The following CTNND2 variants were observed in gnomAD, a reference collection of about 807,000 sequenced individuals.
The protein encoded by CTNND2 is catenin delta-2.
In CTNND2, 22 loss-of-function variants were observed where a neutral mutation model predicts 144.4. The ratio of observed to expected loss-of-function variants is 0.15; its 90% CI spans 0.11 to 0.22. The LOEUF is 0.22. Among genes scored for constraint, CTNND2 ranks in the 10% least tolerant of loss-of-function variants. The pLI is 1.00. For synonymous variants in CTNND2, 751 were observed against 695.6 expected (o/e 1.08, Z -1.25); for missense variants, 1,353 against 1,618.8 (o/e 0.84, Z 2.82).
chr5:11,557,852 C>T (rs1336520438), intron 3 of CTNND2, among the ~76,000 whole-genome samples: 1 of 152,124 alleles, frequency 6.6e-6, no homozygotes, highest in East Asian at 1.9e-4. Context: ...TGGAACCATG[C>T]TGGGAATGAG....
At chr5:11,123,038 T>A (rs1754305907) in intron 12 of CTNND2, among the ~76,000 whole-genome samples, 1 of 152,126 alleles carries the variant, frequency 6.6e-6, no homozygotes, top group Non-Finnish European at 1.5e-5. Context: ...GGAATGTTCT[T>A]CCTTCCACCT....
At chr5:11,082,594 TCTGTGTAAGCATAGG>T (rs1749691018) in intron 16 of CTNND2, 87 bp downstream of exon 16, 1 of 1,334,640 alleles carries the variant, frequency 7.5e-7, no homozygotes, top group African/African-American at 1.5e-5. Flanking sequence ...ATGCACGGCT[TCTGTGTAAGCATAGG>T]CTATGCATAC....
At chr5:11,636,298 G>T (rs1436053946) in intron 2 of CTNND2, among the ~76,000 whole-genome samples, 1 of 152,124 alleles carries the variant, frequency 6.6e-6, no homozygotes, top group Non-Finnish European at 1.5e-5. Context: ...TTCAGTAGCT[G>T]TACCTGGAAA....
rs545717858 is a variant in CTNND2 at position 11,670,262 on chromosome 5, G to C, written c.174+61874C>G. Among the ~76,000 whole-genome samples the C allele has an allele frequency of 5.9e-5, 9 of 152,244 alleles. 1 individual carries two copies. The South Asian group carries it at 1.9e-3, about 32-fold the overall frequency. On this transcript the variant is annotated intron_variant, in intron 2 of 21. Transcript: ENST00000304623. ...TGGAGAGCTCTGTAGATGTTTATTA[G>C]GTCTACTTGGTGCAGAGCTGAGTTC...
chr5:11,128,875 A>G, intron 12 of CTNND2, among the ~76,000 whole-genome samples: 1 of 69,328 alleles, frequency 1.4e-5, no homozygotes, highest in African/African-American at 4.9e-5. Context: ...ATATATAAAT[A>G]TATAATACAT....
At chr5:11,863,064 C>A (rs1210762061) in intron 1 of CTNND2, among the ~76,000 whole-genome samples, 4 of 152,152 alleles carry the variant, frequency 2.6e-5, no homozygotes, top group Admixed American at 2.6e-4. Flanking sequence ...CTGAGTACAT[C>A]TATTTTCTCG....
chr5:11,125,443 C>T (rs190361148), intron 12 of CTNND2, among the ~76,000 whole-genome samples: 3 of 152,368 alleles, frequency 2.0e-5, no homozygotes, highest in East Asian at 1.9e-4. Context: ...GCTGTGAAGG[C>T]GCTTTCTTTG....
At chr5:11,331,299 G>GC (rs1753119420) in intron 9 of CTNND2, among the ~76,000 whole-genome samples, 1 of 152,144 alleles carries the variant, frequency 6.6e-6, no homozygotes. Context: ...TTCTGATTTA[G>GC]CATTTTTGAG....
At chr5:11,561,324 C>T (rs1383448832) in intron 3 of CTNND2, among the ~76,000 whole-genome samples, 5 of 152,120 alleles carry the variant, frequency 3.3e-5, no homozygotes, top group Admixed American at 2.0e-4. Flanking sequence ...GATGAAGAAT[C>T]CAACAGCTTT....
intron 3 of CTNND2, among the ~76,000 whole-genome samples, chr5:11,560,641 G>A (rs1776608801): frequency 6.6e-6 from 1 of 152,172 alleles, no homozygotes; most frequent in African/African-American, 2.4e-5. Flanking sequence ...TACAACCACT[G>A]CCAACAGTCC....
chr5:11,297,810 T>C (rs189855791), intron 9 of CTNND2, among the ~76,000 whole-genome samples: 1 of 152,248 alleles, frequency 6.6e-6, no homozygotes, highest in East Asian at 1.9e-4. Context: ...TCGGATTTTA[T>C]CCTAGGATGC....
chr5:11,225,225 G>A lies in CTNND2; in HGVS notation c.1761+11466C>T, dbSNP rs529047273. On this transcript the variant is annotated intron_variant, in intron 10 of 21. Coordinates refer to ENST00000304623, the MANE Select transcript of CTNND2 (RefSeq NM_001332.4). The stretch of plus-strand genomic sequence containing the variant: ...CAGCGACCACCAGTAAACTATGGAC[G>A]CATGTTCTAAGTCAGCCACCTCTAC... 3.3e-5 allele frequency among the ~76,000 whole-genome samples: 5 copies of A among 152,266 alleles called. No individual in the cohort carries two copies. In the East Asian group the frequency reaches 5.8e-4, roughly 18 times the overall value.
chr5:11,423,583 T>A (rs1762537846), intron 3 of CTNND2, among the ~76,000 whole-genome samples: 1 of 152,226 alleles, frequency 6.6e-6, no homozygotes, highest in African/African-American at 2.4e-5. Context: ...GTCAAGCTTA[T>A]GTTTTCCTGG....
chr5:11,879,363 A>ATATATATG (rs1735848751), intron 1 of CTNND2, among the ~76,000 whole-genome samples: 1 of 138,480 alleles, frequency 7.2e-6, no homozygotes, highest in Non-Finnish European at 1.6e-5. Flanking sequence ...ATATACATAT[A>ATATATATG]CACACACACA....
At chr5:11,389,322 G>C (rs1253913392) in intron 6 of CTNND2, among the ~76,000 whole-genome samples, 1 of 152,182 alleles carries the variant, frequency 6.6e-6, no homozygotes, top group Admixed American at 6.5e-5. Context: ...GTAGAGTATG[G>C]TGCACATTAA....
At chr5:11,035,203 T>G (rs1030154627) in intron 16 of CTNND2, among the ~76,000 whole-genome samples, 1 of 152,192 alleles carries the variant, frequency 6.6e-6, no homozygotes, top group African/African-American at 2.4e-5. Flanking sequence ...TTCACAGTTC[T>G]GCAGGTTAGA....
At chr5:11,688,550 T>C (rs1387529231) in intron 2 of CTNND2, among the ~76,000 whole-genome samples, 1 of 152,246 alleles carries the variant, frequency 6.6e-6, no homozygotes, top group Non-Finnish European at 1.5e-5. Context: ...TCTTTCATTT[T>C]ACAATTTTGA....
At chr5:11,453,360 A>G (rs1765456406) in intron 3 of CTNND2, among the ~76,000 whole-genome samples, 1 of 152,182 alleles carries the variant, frequency 6.6e-6, no homozygotes, top group African/African-American at 2.4e-5. Context: ...AGCTGTCCCA[A>G]TGTTTGGCAA....
chr5:11,534,652 C>T (rs962272761), intron 3 of CTNND2, among the ~76,000 whole-genome samples: 6 of 152,036 alleles, frequency 3.9e-5, no homozygotes, highest in African/African-American at 4.8e-5. Context: ...TGATTCTATG[C>T]GCTGAGACCT....
Sources: allele counts gnomAD v4.1 joint callset (sites outside exome capture counted in the v4.1 genomes callset), GRCh38; gene constraint gnomAD v4.1.1; transcripts MANE v1.5; gene names NCBI Gene and HGNC (gene_info 2026-07-23, HGNC 2026-07-21).